The following GRIN2A variants were observed in gnomAD, a reference collection of about 807,000 sequenced individuals.
The protein encoded by GRIN2A is glutamate ionotropic receptor NMDA type subunit 2A.
A neutral mutation model predicts 113.4 loss-of-function variants in GRIN2A; 22 were observed. That is an observed-to-expected ratio of 0.19 (90% confidence interval 0.14 to 0.28). The LOEUF (loss-of-function observed/expected upper bound fraction) is 0.28. Among genes scored for constraint, GRIN2A ranks in the 10% least tolerant of loss-of-function variants. The pLI is 1.00. For synonymous variants in GRIN2A, 827 were observed against 738.4 expected (o/e 1.12, Z -1.94); for missense variants, 1,502 against 1,887.0 (o/e 0.80, Z 3.78).
At chr16:10,088,091 A>C (rs2048116570) in intron 2 of GRIN2A, among the ~76,000 whole-genome samples, 2 of 151,986 alleles carry the variant, frequency 1.3e-5, no homozygotes, top group Non-Finnish European at 2.9e-5. Context: ...TACCTTGTTG[A>C]AAGCTTTTGT....
At chr16:10,107,920 ACCCT>A in intron 2 of GRIN2A, among the ~76,000 whole-genome samples, 1 of 152,304 alleles carries the variant, frequency 6.6e-6, no homozygotes, top group African/African-American at 2.4e-5. Context: ...AGTGATGCTT[ACCCT>A]CTGGTGGGGA....
intron 3 of GRIN2A, among the ~76,000 whole-genome samples, chr16:9,919,002 G>T (rs1056379096): frequency 1.3e-5 from 2 of 151,936 alleles, no homozygotes; most frequent in Admixed American, 6.6e-5. Context: ...ATGAAACCTG[G>T]TCTCTACTAA....
chr16:10,043,312 G>A (rs72772364), intron 2 of GRIN2A, among the ~76,000 whole-genome samples: 13,893 of 152,192 alleles, frequency 0.091, 724 homozygotes, highest in Non-Finnish European at 0.11. Flanking sequence ...TGAACTCAAA[G>A]TTGACATTCG....
At chr16:9,975,895 T>G (rs961560917) in intron 2 of GRIN2A, among the ~76,000 whole-genome samples, 1 of 152,112 alleles carries the variant, frequency 6.6e-6, no homozygotes, top group African/African-American at 2.4e-5. Flanking sequence ...AAAACAGACT[T>G]CAAGACAGTA....
intron 2 of GRIN2A, among the ~76,000 whole-genome samples, chr16:10,090,427 A>G (rs1426481212): frequency 6.6e-6 from 1 of 152,246 alleles, no homozygotes; most frequent in Non-Finnish European, 1.5e-5. Context: ...GGATAATTTG[A>G]TAGGAAAAAG....
intron 2 of GRIN2A, among the ~76,000 whole-genome samples, chr16:9,973,090 C>G (rs1418973430): frequency 6.6e-6 from 1 of 152,160 alleles, no homozygotes; most frequent in Non-Finnish European, 1.5e-5. Flanking sequence ...GTGGTGCTAA[C>G]TGATCCATCA....
chr16:9,858,440 G>C (rs537271440), intron 4 of GRIN2A, among the ~76,000 whole-genome samples: 1 of 152,034 alleles, frequency 6.6e-6, no homozygotes, highest in Non-Finnish European at 1.5e-5. Flanking sequence ...AAAATAGGTT[G>C]TGTGGGAGGA....
Position 9,763,332 on chromosome 16 carries a change from G to T in GRIN2A, c.4212C>A (p.Ser1404=), listed in dbSNP as rs373213959. ...AACAGTACGATGCCGTTGACCTCAA[G>T]GACGACCGAAGATAGCTGTCATTCA... The part of the protein sequence containing the change: ...QAVNDSYLRS[S]LRSTASYCSR... Residue 1404 remains serine, a synonymous_variant, in exon 13 of 13, where the codon TCC becomes TCA. Transcript: ENST00000330684. The T allele has an allele frequency of 2.1e-5, 34 of 1,614,138 alleles. No individual in the cohort carries two copies. The African/African-American group carries it at 4.0e-4, about 19-fold the overall frequency.
intron 4 of GRIN2A, among the ~76,000 whole-genome samples, chr16:9,888,050 T>C (rs1443900380): frequency 6.6e-6 from 1 of 152,178 alleles, no homozygotes; most frequent in Non-Finnish European, 1.5e-5. Flanking sequence ...AAGTGATTCT[T>C]GTGCCTCAGC....
chr16:9,794,757 T>G (rs556187541), intron 11 of GRIN2A: 1 of 152,342 alleles, frequency 6.6e-6, no homozygotes, highest in South Asian at 2.1e-4. Context: ...CCCATCTGGA[T>G]GCTTTTACTG....
chr16:10,099,458 G>A (rs1191505748), intron 2 of GRIN2A, among the ~76,000 whole-genome samples: 2 of 147,558 alleles, frequency 1.4e-5, no homozygotes, highest in Non-Finnish European at 3.0e-5. Context: ...GAAAGAGAAT[G>A]CCATCCTGTC....
chr16:10,071,093 GT>G (rs2047741864), intron 2 of GRIN2A, among the ~76,000 whole-genome samples: 1 of 152,176 alleles, frequency 6.6e-6, no homozygotes, highest in Admixed American at 6.5e-5. Context: ...GGGAAATCTA[GT>G]GTGTTAAAAT....
At chr16:9,855,659 A>T (rs1014032891) in intron 4 of GRIN2A, among the ~76,000 whole-genome samples, 3 of 152,188 alleles carry the variant, frequency 2.0e-5, no homozygotes, top group Non-Finnish European at 4.4e-5. Flanking sequence ...GCTCAGGGTA[A>T]TGAGTACATA....
At chr16:9,811,632 C>G (rs1211942075) in intron 10 of GRIN2A, among the ~76,000 whole-genome samples, 1 of 152,148 alleles carries the variant, frequency 6.6e-6, no homozygotes, top group Non-Finnish European at 1.5e-5. Flanking sequence ...TGGTGGTGCA[C>G]ATTTGTGGTC....
intron 7 of GRIN2A, among the ~76,000 whole-genome samples, chr16:9,835,027 T>C (rs755479247): frequency 2.0e-5 from 3 of 152,052 alleles, no homozygotes; most frequent in Non-Finnish European, 4.4e-5. Flanking sequence ...ATTCCAAAAA[T>C]AAAGGGAGAA....
intron 11 of GRIN2A, among the ~76,000 whole-genome samples, chr16:9,770,300 T>A (rs1901189542): frequency 6.6e-6 from 1 of 152,210 alleles, no homozygotes; most frequent in African/African-American, 2.4e-5. Flanking sequence ...AATGGGGACA[T>A]GCAGAGAAAA....
intron 2 of GRIN2A, among the ~76,000 whole-genome samples, chr16:10,161,428 G>C (rs956980940): frequency 6.6e-6 from 1 of 152,006 alleles, no homozygotes; most frequent in African/African-American, 2.4e-5. Flanking sequence ...ATTTGATGAA[G>C]GGAAAAATGG....
At chr16:9,949,749 G>A (rs2045130385) in intron 2 of GRIN2A, among the ~76,000 whole-genome samples, 1 of 151,226 alleles carries the variant, frequency 6.6e-6, no homozygotes, top group South Asian at 2.1e-4. Context: ...GGGTGGGTGG[G>A]TGGATGGATG....
chr16:10,094,454 G>T (rs1194070601), intron 2 of GRIN2A, among the ~76,000 whole-genome samples: 2 of 147,042 alleles, frequency 1.4e-5, no homozygotes, highest in African/African-American at 2.5e-5. Flanking sequence ...CAAGAAAACA[G>T]TTTTTTTTTT....
Sources: gnomAD v4.1 joint callset for allele counts (sites outside exome capture counted in the v4.1 genomes callset) on GRCh38, gnomAD v4.1.1 for gene constraint, MANE v1.5 for transcripts, NCBI Gene and HGNC (gene_info 2026-07-23, HGNC 2026-07-21) for gene names.